ABAT: variants seen among roughly 807,000 people sequenced by gnomAD.
ABAT encodes 4-aminobutyrate aminotransferase, mitochondrial.
ABAT carries 45 observed loss-of-function variants against 64.6 expected under a neutral mutation model. That is an observed-to-expected ratio of 0.70 (90% CI 0.55 to 0.89). The LOEUF is 0.89. ABAT is among the 40% of genes least tolerant of loss of function. ABAT has a pLI of 0.00. For synonymous variants in ABAT, 297 were observed against 250.5 expected (o/e 1.19, Z -1.75); for missense variants, 633 against 658.4 (o/e 0.96, Z 0.42).
intron 3 of ABAT, among the ~76,000 whole-genome samples, chr16:8,746,651 G>C (rs1187387536): frequency 6.6e-6 from 1 of 151,640 alleles, no homozygotes; most frequent in African/African-American, 2.4e-5. Flanking sequence ...AAAGTGTTGG[G>C]ATTACAGGCG....
intron 5 of ABAT, 104 bp from the exon 6 acceptor site, chr16:8,757,653 A>T: frequency 7.7e-7 from 1 of 1,295,646 alleles, no homozygotes; most frequent in Non-Finnish European, 1.1e-6. Context: ...GTTTTTAAAG[A>T]GAGTTGGGGG....
intron 1 of ABAT, among the ~76,000 whole-genome samples, chr16:8,692,196 C>G (rs1247753444): frequency 1.3e-5 from 2 of 152,028 alleles, no homozygotes. Flanking sequence ...GTCTGGGCAA[C>G]AAAGTAAGAC....
intron 1 of ABAT, among the ~76,000 whole-genome samples, chr16:8,726,707 C>T (rs1253737309): frequency 6.6e-6 from 1 of 152,164 alleles, no homozygotes; most frequent in Non-Finnish European, 1.5e-5. Flanking sequence ...TGTATTTACC[C>T]AGCAGTGGGA....
chr16:8,674,652 G>C lies in ABAT; in HGVS notation c.-101G>C, dbSNP rs1050946041. Reference sequence around the variant, plus strand: ...CCAGCGCTGCCGGAACTCGGGGCGCGCATCCCGCAAGTCGGAACCCGGCGG... The same window carrying C: ...CCAGCGCTGCCGGAACTCGGGGCGCCCATCCCGCAAGTCGGAACCCGGCGG... On this transcript the variant is annotated 5_prime_UTR_variant, in exon 1 of 16. Transcript: ENST00000268251. The C allele has an allele frequency of 3.9e-5, 6 of 152,272 alleles. No individual in the cohort carries two copies. Among genetic ancestry groups the C allele is most frequent in the African/African-American group, 1.4e-4 (6 of 41,470 alleles). 9.4% of individuals were successfully genotyped at this position (152,272 alleles called of 1,614,324 possible).
chr16:8,743,540 TATA>T (rs1328632482), intron 2 of ABAT, among the ~76,000 whole-genome samples: 459 of 134,394 alleles, frequency 3.4e-3, no homozygotes, highest in Non-Finnish European at 5.7e-3. Context: ...GTATTTTAGT[TATA>T]ATATATTATG....
In ABAT at chr16:8,776,494, A is replaced by C. The variant is rs183947905; in HGVS notation, c.1269+4A>C. 16,222 of 1,610,344 alleles carry C rather than the reference A, an allele frequency of 0.01. 115 individuals are homozygous for C. The highest frequency in any genetic ancestry group is 0.012 in the Non-Finnish European group (14,312 of 1,178,698). On this transcript the variant is annotated splice_donor_region_variant and intron_variant, in intron 14 of 15. Coordinates refer to ENST00000268251, the MANE Select transcript of ABAT (RefSeq NM_020686.6). The surrounding 1 kb of genome is among the most constrained non-coding windows in gnomAD (Gnocchi z 4.4). ...CACAGGACTGCTGGACCTCCAGGTA[A>C]CACCCCCTCCCCTGCCCCGCCCCCA...
chr16:8,692,831 C>G lies in ABAT; in HGVS notation c.-42+18120C>G, dbSNP rs544388752. 1.1e-4 allele frequency among the ~76,000 whole-genome samples: 16 copies of G among 152,310 alleles called. No individual in the cohort carries two copies. In the South Asian group the frequency reaches 3.3e-3, roughly 32 times the overall value. On this transcript the variant is annotated intron_variant, in intron 1 of 15. Transcript: ENST00000268251. ...TACATTTAAGGAGAACTTTGCTTGG[C>G]TCAGACCTTTGAAGGATCCAAAGGT...
At chr16:8,714,363 CA>C (rs1186233313) in intron 1 of ABAT, among the ~76,000 whole-genome samples, 1 of 152,194 alleles carries the variant, frequency 6.6e-6, no homozygotes, top group Non-Finnish European at 1.5e-5. Flanking sequence ...ATGGAAGGCT[CA>C]GGGGGCGCTG....
At position 8,740,499 on chromosome 16, in the gene ABAT, G is replaced by A. The variant is rs147031196; in HGVS notation, c.70+4690G>A. ...GAAGCCACTCTCAGTTCCTTGATAC[G>A]TGGACCTCTTCACAGAGCCGCTTAC... On this transcript the variant is annotated intron_variant, in intron 2 of 15. Coordinates refer to ENST00000268251, the MANE Select transcript of ABAT (RefSeq NM_020686.6). 1.8e-4 allele frequency among the ~76,000 whole-genome samples: 28 copies of A among 152,238 alleles called. 1 individual carries two copies. Among genetic ancestry groups the A allele is most frequent in the Admixed American group, 7.9e-4 (12 of 15,278 alleles).
chr16:8,774,392 T>C (rs1211467123), intron 12 of ABAT, among the ~76,000 whole-genome samples: 3 of 152,206 alleles, frequency 2.0e-5, no homozygotes, highest in African/African-American at 4.8e-5. Context: ...TTTGTTTTAA[T>C]GTCTTGTGCA....
intron 5 of ABAT, among the ~76,000 whole-genome samples, chr16:8,751,348 A>T (rs2059475923): frequency 6.6e-6 from 1 of 152,092 alleles, no homozygotes; most frequent in African/African-American, 2.4e-5. Flanking sequence ...TTGGCCTCCC[A>T]AAGTGCTAGG....
rs563643458 is a variant in ABAT, at chr16:8,676,741, C to T, written c.-42+2030C>T. 1.2e-4 allele frequency among the ~76,000 whole-genome samples: 18 copies of T among 152,304 alleles called. No homozygotes were observed. In the South Asian group the frequency reaches 3.7e-3, roughly 32 times the overall value. On this transcript the variant is annotated intron_variant, in intron 1 of 15. Transcript: ENST00000268251. ...TGCATAGCTGGGTTTGCTCCAAGAA[C>T]TTTGGACAGGTCCTGAGGATGTCAT...
chr16:8,761,625 C>T (rs754959828), intron 6 of ABAT, among the ~76,000 whole-genome samples: 3 of 152,184 alleles, frequency 2.0e-5, no homozygotes, highest in South Asian at 2.1e-4. Context: ...AGCACCCTGA[C>T]GCAGTCTTAG....
chr16:8,691,746 G>T (rs912657088), intron 1 of ABAT, among the ~76,000 whole-genome samples: 9 of 152,122 alleles, frequency 5.9e-5, no homozygotes, highest in Non-Finnish European at 1.5e-5. Context: ...CAGTGCCAAG[G>T]GACTTTTGGC....
At position 8,776,085 on chromosome 16, in the gene ABAT, C is replaced by A. The variant is rs111279225; in HGVS notation, c.1123-259C>A. Among the ~76,000 whole-genome samples, 2 of 152,160 alleles carry A rather than the reference C, an allele frequency of 1.3e-5. No individual in the cohort carries two copies. The highest frequency in any genetic ancestry group is 2.4e-5 in the African/African-American group (1 of 41,444). Reference sequence around the variant, plus strand: ...CTGAGGGATTTCCCAGTGCATGGGACGATTTGGTCCTCCCCATAGCAGTTC... The same window carrying A: ...CTGAGGGATTTCCCAGTGCATGGGAAGATTTGGTCCTCCCCATAGCAGTTC... On this transcript the variant is annotated intron_variant, in intron 13 of 15. Coordinates refer to ENST00000268251, the MANE Select transcript of ABAT (RefSeq NM_020686.6). The surrounding 1 kb of genome is among the most constrained non-coding windows in gnomAD (Gnocchi z 4.4).
chr16:8,730,925 A>G (rs2058700008), intron 1 of ABAT, among the ~76,000 whole-genome samples: 1 of 152,140 alleles, frequency 6.6e-6, no homozygotes, highest in African/African-American at 2.4e-5. Flanking sequence ...TTACTGTCCA[A>G]AGTACTCATT....
In ABAT at chr16:8,766,236, C is replaced by T. The variant is rs1408432688; in HGVS notation, c.569C>T (p.Ser190Phe). ...AAGGAAAGAGGGCAGAGGGGCTTCT[C>T]CCAGGAGGAGCTGGAGACGTGCATG... Reference protein sequence around the residue: ...RSKERGQRGFSQEELETCMIN... With the variant: ...RSKERGQRGFFQEELETCMIN... The change falls in exon 9 of 16, where the codon TCC becomes TTC. Residue 190 changes from serine (S) to phenylalanine (F), a missense_variant. Physicochemically the swap from Ser to Phe is radical, Grantham distance 155. Transcript: ENST00000268251. 1 of 1,614,000 alleles carries T rather than the reference C, an allele frequency of 6.2e-7. No homozygotes were observed. Among genetic ancestry groups the T allele is most frequent in the African/African-American group, 1.3e-5 (1 of 74,924 alleles).
intron 1 of ABAT, among the ~76,000 whole-genome samples, chr16:8,726,402 A>G (rs1178937093): frequency 1.3e-5 from 2 of 151,662 alleles, no homozygotes; most frequent in Admixed American, 6.6e-5. Flanking sequence ...CTGGGACTAC[A>G]GGCATGGGTC....
chr16:8,719,191 A>G (rs559151939), intron 1 of ABAT, among the ~76,000 whole-genome samples: 1 of 152,290 alleles, frequency 6.6e-6, no homozygotes, highest in African/African-American at 2.4e-5. Context: ...GTGTGCAGAA[A>G]GCATTTATTG....
Sources: allele counts gnomAD v4.1 joint callset (sites outside exome capture counted in the v4.1 genomes callset), GRCh38; gene constraint gnomAD v4.1.1; non-coding constraint Gnocchi (gnomAD v3.1); transcripts MANE v1.5; gene names NCBI Gene and HGNC (gene_info 2026-07-23, HGNC 2026-07-21).